The following SDK1 variants were observed in gnomAD, a reference collection of about 807,000 sequenced individuals.
SDK1 encodes the protein protein sidekick-1.
A neutral mutation model predicts 245.5 loss-of-function variants in SDK1; 157 were observed. The ratio of observed to expected loss-of-function variants is 0.64; its 90% CI spans 0.56 to 0.73. The LOEUF is 0.73. Ranked by LOEUF, SDK1 falls within the 30% of genes least tolerant of loss-of-function variation. SDK1 has a pLI of 0.00. For synonymous variants in SDK1, 1,647 were observed against 1,278.5 expected, an observed-to-expected ratio of 1.29 and a Z score of -6.15; for missense variants, 3,583 against 3,002.3, an observed-to-expected ratio of 1.19 and a Z score of -4.52.
chr7:3,972,941 C>T (rs569412148), intron 12 of SDK1, among the ~76,000 whole-genome samples: 38 of 152,296 alleles, frequency 2.5e-4, no homozygotes, highest in African/African-American at 6.3e-4. Flanking sequence ...ACCCTGGAGA[C>T]GGTCGTCAGG....
intron 1 of SDK1, among the ~76,000 whole-genome samples, chr7:3,389,910 G>A (rs1416662424): frequency 6.6e-6 from 1 of 152,134 alleles, no homozygotes; most frequent in African/African-American, 2.4e-5. Context: ...AGGTTGCCTT[G>A]AACAGACTGT....
intron 2 of SDK1, among the ~76,000 whole-genome samples, chr7:3,621,376 C>T (rs1301316573): frequency 6.6e-6 from 1 of 152,136 alleles, no homozygotes; most frequent in Non-Finnish European, 1.5e-5. Context: ...AGGCCCACAT[C>T]ACCCTCATTT....
chr7:3,756,667 C>G (rs1391625336), intron 4 of SDK1, among the ~76,000 whole-genome samples: 1 of 151,934 alleles, frequency 6.6e-6, no homozygotes, highest in African/African-American at 2.4e-5. Flanking sequence ...GTAGTCATGT[C>G]TTCTTGGTCT....
chr7:3,568,991 T>G (rs184808782), intron 1 of SDK1, among the ~76,000 whole-genome samples: 101 of 145,736 alleles, frequency 6.9e-4, no homozygotes, highest in African/African-American at 2.5e-3. Flanking sequence ...TTGCCGAATA[T>G]TTAGTGTGGC....
intron 1 of SDK1, among the ~76,000 whole-genome samples, chr7:3,320,242 A>G (rs1359782265): frequency 6.6e-6 from 1 of 150,998 alleles, no homozygotes; most frequent in Non-Finnish European, 1.5e-5. Flanking sequence ...ATTTCCAGAT[A>G]TCTTTGCCAT....
intron 14 of SDK1, among the ~76,000 whole-genome samples, chr7:4,006,254 G>A (rs1365822154): frequency 6.6e-6 from 1 of 152,136 alleles, no homozygotes; most frequent in Non-Finnish European, 1.5e-5. Context: ...GTGATTCTCG[G>A]CCTTACCACT....
chr7:3,360,543 T>C (rs1333980585), intron 1 of SDK1, among the ~76,000 whole-genome samples: 4 of 152,188 alleles, frequency 2.6e-5, no homozygotes, highest in Non-Finnish European at 5.9e-5. Context: ...TTATTGATAT[T>C]TTCGATAGAA....
At chr7:3,892,046 T>G (rs1420354671) in intron 5 of SDK1, among the ~76,000 whole-genome samples, 1 of 152,196 alleles carries the variant, frequency 6.6e-6, no homozygotes, top group Non-Finnish European at 1.5e-5. Context: ...CTTTTTTCTT[T>G]TTCTTTTTTT....
chr7:3,732,588 C>T (rs936088917), intron 4 of SDK1, among the ~76,000 whole-genome samples: 1 of 152,242 alleles, frequency 6.6e-6, no homozygotes, highest in African/African-American at 2.4e-5. Flanking sequence ...ACTGGCAAAA[C>T]ATTGCATTGT....
At chr7:4,179,518 C>T (rs1207700353) in intron 35 of SDK1, among the ~76,000 whole-genome samples, 2 of 152,064 alleles carry the variant, frequency 1.3e-5, no homozygotes, top group Non-Finnish European at 2.9e-5. Flanking sequence ...TCAAGCCCAG[C>T]GGATTTTTTC....
Position 4,220,198 on chromosome 7 carries a change from T to C in SDK1, c.5629T>C (p.Phe1877Leu). The C allele has an allele frequency of 6.2e-7, 1 of 1,614,098 alleles. No individual in the cohort carries two copies. Among genetic ancestry groups the C allele is most frequent in the Non-Finnish European group, 8.5e-7 (1 of 1,180,032 alleles). Residue 1877 changes from phenylalanine to leucine, a missense_variant, in exon 39 of 45, where the codon TTC becomes CTC. Phe to Leu is a conservative substitution (Grantham distance 22). Transcript: ENST00000404826. ...CCTCACCAAGGGAGTGACCTATTTC[T>C]TCCGTGTCCAAGCGCGGACCATCAC... Reference protein sequence around the residue: ...RDLTKGVTYFFRVQARTITYG... With the variant: ...RDLTKGVTYFLRVQARTITYG...
At chr7:4,205,354 C>T (rs80026694) in intron 35 of SDK1, among the ~76,000 whole-genome samples, 1,654 of 152,220 alleles carry the variant, frequency 0.011, 25 homozygotes, top group African/African-American at 0.038. Flanking sequence ...ACAAAAACCA[C>T]AGCAGTCAGG....
intron 14 of SDK1, among the ~76,000 whole-genome samples, chr7:3,994,090 C>G (rs182741512): frequency 6.6e-6 from 1 of 152,156 alleles, no homozygotes; most frequent in Admixed American, 6.5e-5. Flanking sequence ...GCATTCCCTG[C>G]TTTGTCTCAC....
chr7:4,228,171 T>A (rs1019603755), intron 40 of SDK1, among the ~76,000 whole-genome samples: 2 of 152,206 alleles, frequency 1.3e-5, no homozygotes, highest in Non-Finnish European at 1.5e-5. Flanking sequence ...GAGGTTGTGG[T>A]GACAGCGTGG....
intron 4 of SDK1, among the ~76,000 whole-genome samples, chr7:3,659,072 G>C (rs1783276638): frequency 6.6e-6 from 1 of 152,144 alleles, no homozygotes; most frequent in African/African-American, 2.4e-5. Context: ...TACCTAACAT[G>C]TGACCTTTTG....
chr7:3,619,499 G>T (rs561061496), intron 2 of SDK1, among the ~76,000 whole-genome samples: 2 of 152,216 alleles, frequency 1.3e-5, no homozygotes, highest in South Asian at 2.1e-4. Flanking sequence ...AAAACCTATG[G>T]TTACAGAGCA....
intron 1 of SDK1, among the ~76,000 whole-genome samples, chr7:3,421,634 C>A (rs1057382893): frequency 6.6e-6 from 1 of 152,162 alleles, no homozygotes; most frequent in Admixed American, 6.5e-5. Context: ...ACATTTTCTA[C>A]ATTGCGTGAG....
At chr7:4,237,817 C>T (rs770081134) in intron 42 of SDK1, 33 bp downstream of exon 42, 21 of 1,611,932 alleles carry the variant, frequency 1.3e-5, no homozygotes, top group Admixed American at 5.0e-5. Flanking sequence ...GCGTGTCCCA[C>T]GATGCCACTC....
chr7:4,069,844 C>G (rs888869589), intron 20 of SDK1, among the ~76,000 whole-genome samples: 2 of 152,194 alleles, frequency 1.3e-5, no homozygotes, highest in Non-Finnish European at 1.5e-5. Flanking sequence ...GTCTTATAAC[C>G]GAGGCCTGGC....
Sources: allele counts gnomAD v4.1 joint callset (sites outside exome capture counted in the v4.1 genomes callset), GRCh38; gene constraint gnomAD v4.1.1; transcripts MANE v1.5; gene names NCBI Gene and HGNC (gene_info 2026-07-23, HGNC 2026-07-21).